The following PIP5K1B variants were observed in gnomAD, a reference collection of about 807,000 sequenced individuals.
The protein encoded by PIP5K1B is phosphatidylinositol-4-phosphate 5-kinase type 1 beta.
In PIP5K1B, 42 loss-of-function variants were observed where a neutral mutation model predicts 67.0. That is an observed-to-expected ratio of 0.63 (90% CI 0.49 to 0.81). The LOEUF is 0.81. Ranked by LOEUF, PIP5K1B falls within the 30% of genes least tolerant of loss-of-function variation. PIP5K1B has a pLI of 0.00. For synonymous variants in PIP5K1B, 214 were observed against 231.4 expected, an observed-to-expected ratio of 0.92 and a Z score of 0.68; for missense variants, 459 against 646.3, an observed-to-expected ratio of 0.71 and a Z score of 3.14.
intron 12 of PIP5K1B, among the ~76,000 whole-genome samples, chr9:68,931,922 CA>C (rs996648638): frequency 6.6e-6 from 1 of 152,194 alleles, no homozygotes; most frequent in African/African-American, 2.4e-5. Context: ...TAAATTTCTG[CA>C]AAATCCAAGC....
At chr9:68,729,403 G>T (rs1828310474) in intron 1 of PIP5K1B, among the ~76,000 whole-genome samples, 1 of 151,784 alleles carries the variant, frequency 6.6e-6, no homozygotes, top group African/African-American at 2.4e-5. Context: ...TTCATTTCTG[G>T]GAGATAGAAA....
At chr9:68,746,711 C>G (rs1003871849) in intron 2 of PIP5K1B, among the ~76,000 whole-genome samples, 26 of 152,112 alleles carry the variant, frequency 1.7e-4, no homozygotes, top group African/African-American at 5.6e-4. Context: ...CCTTTGTGTC[C>G]AGCTGTCATC....
At chr9:68,741,504 C>G (rs2132317501) in intron 1 of PIP5K1B, 1 of 152,276 alleles carries the variant, frequency 6.6e-6, no homozygotes, top group Admixed American at 6.5e-5. Context: ...ACTGCCATGG[C>G]CAGGGGTCAA....
rs940085148 is a variant in PIP5K1B at position 68,705,595 on chromosome 9, C to T, written c.-410C>T. On this transcript the variant is annotated 5_prime_UTR_variant, in exon 1 of 16. Transcript: ENST00000265382. ...GCCCGCCCTCAGCGTTGCCCCCGGC[C>T]CCGGCCCCGCCCGCCGCCCCCTCCG... 1 of 146,874 alleles carries T rather than the reference C, an allele frequency of 6.8e-6. No individual in the cohort carries two copies. Among genetic ancestry groups the T allele is most frequent in the African/African-American group, 2.5e-5 (1 of 40,166 alleles). The allele number at this position is 146,874 out of a possible 1,614,324, so 9.1% of individuals were successfully genotyped here.
At chr9:68,742,192 C>G (rs1829043977) in intron 1 of PIP5K1B, 1 of 152,120 alleles carries the variant, frequency 6.6e-6, no homozygotes, top group African/African-American at 2.4e-5. Flanking sequence ...ACTAGATGTA[C>G]TATAAGGTCA....
chr9:68,910,265 T>G (rs544679071), intron 8 of PIP5K1B, among the ~76,000 whole-genome samples: 8 of 152,232 alleles, frequency 5.3e-5, no homozygotes, highest in Non-Finnish European at 1.2e-4. Flanking sequence ...TCTATAAATA[T>G]CAGCTTGATT....
chr9:68,821,481 C>A (rs1833728261), intron 3 of PIP5K1B, among the ~76,000 whole-genome samples: 5 of 152,122 alleles, frequency 3.3e-5, no homozygotes, highest in Admixed American at 3.3e-4. Flanking sequence ...ACAATGTTAA[C>A]CTTCACCAGT....
intron 6 of PIP5K1B, among the ~76,000 whole-genome samples, chr9:68,887,261 A>G (rs921200967): frequency 6.6e-6 from 1 of 152,224 alleles, no homozygotes; most frequent in African/African-American, 2.4e-5. Context: ...TATAAACTTT[A>G]TGAGTGCCTG....
intron 1 of PIP5K1B, among the ~76,000 whole-genome samples, chr9:68,724,950 C>T (rs924052533): frequency 5.3e-5 from 8 of 152,044 alleles, no homozygotes; most frequent in Non-Finnish European, 1.0e-4. Flanking sequence ...GTACCTCAAA[C>T]TAAAAGTGCC....
intron 12 of PIP5K1B, among the ~76,000 whole-genome samples, chr9:68,924,110 T>TAA (rs71500336): frequency 0.11 from 13,653 of 125,654 alleles, 1,648 homozygotes; most frequent in African/African-American, 0.31. Flanking sequence ...CTCTTACCTT[T>TAA]AAAAAAAAAA....
intron 8 of PIP5K1B, among the ~76,000 whole-genome samples, chr9:68,904,559 C>T (rs1825515160): frequency 1.3e-5 from 2 of 152,212 alleles, no homozygotes; most frequent in Admixed American, 1.3e-4. Flanking sequence ...TACCAATGTG[C>T]ATGCACACGA....
At chr9:68,843,891 C>T (rs951799552) in intron 4 of PIP5K1B, among the ~76,000 whole-genome samples, 7 of 152,178 alleles carry the variant, frequency 4.6e-5, no homozygotes, top group East Asian at 3.8e-4. Context: ...TGCACAGACA[C>T]GGGCCCTGCC....
intron 1 of PIP5K1B, among the ~76,000 whole-genome samples, chr9:68,710,292 G>C (rs1827322783): frequency 6.6e-6 from 1 of 152,118 alleles, no homozygotes. Flanking sequence ...TTCATTTGTG[G>C]TCTTATCAAT....
intron 2 of PIP5K1B, among the ~76,000 whole-genome samples, chr9:68,752,534 T>C (rs1460185555): frequency 6.6e-6 from 1 of 152,078 alleles, no homozygotes; most frequent in African/African-American, 2.4e-5. Context: ...TCCCTTGCTG[T>C]CTGCCTTGCT....
intron 8 of PIP5K1B, 64 bp downstream of exon 8, chr9:68,894,702 C>T: frequency 9.7e-6 from 14 of 1,445,062 alleles, no homozygotes; most frequent in Admixed American, 1.8e-5. Context: ...GTGGCTGCCA[C>T]TTATTGAAAG....
intron 14 of PIP5K1B, among the ~76,000 whole-genome samples, chr9:68,946,594 A>G (rs541511688): frequency 1.3e-5 from 2 of 151,320 alleles, no homozygotes; most frequent in Admixed American, 6.6e-5. Flanking sequence ...TGGGGTTTCA[A>G]CGTGTTAGCC....
intron 1 of PIP5K1B, among the ~76,000 whole-genome samples, chr9:68,724,136 C>T (rs962314119): frequency 1.3e-5 from 2 of 151,990 alleles, no homozygotes; most frequent in Admixed American, 1.3e-4. Context: ...CTGTCCTTTC[C>T]CCAGTGTATG....
At chr9:68,746,513 C>T (rs925283319) in intron 2 of PIP5K1B, among the ~76,000 whole-genome samples, 4 of 152,154 alleles carry the variant, frequency 2.6e-5, no homozygotes, top group African/African-American at 9.7e-5. Flanking sequence ...CTGTCTTTTT[C>T]TCTCACTCTC....
intron 2 of PIP5K1B, among the ~76,000 whole-genome samples, chr9:68,795,846 G>A (rs550863604): frequency 2.6e-5 from 4 of 152,090 alleles, no homozygotes; most frequent in African/African-American, 9.7e-5. Flanking sequence ...AATCAACCTT[G>A]TTCTATAATT....
Sources: gnomAD v4.1 joint callset for allele counts (sites outside exome capture counted in the v4.1 genomes callset) on GRCh38, gnomAD v4.1.1 for gene constraint, MANE v1.5 for transcripts, NCBI Gene and HGNC (gene_info 2026-07-23, HGNC 2026-07-21) for gene names.